Variants in OR1F1 observed in about 807,000 individuals in gnomAD.
OR1F1 encodes olfactory receptor family 1 subfamily F member 1.
For missense variants in OR1F1, 493 were observed against 376.3 expected, an observed-to-expected ratio of 1.31 and a Z score of -2.57; for synonymous variants, 184 against 156.7, an observed-to-expected ratio of 1.17 and a Z score of -1.30.
chr16:3,194,716 G>C, the OR1F1 span, among the ~76,000 whole-genome samples: 9 of 152,154 alleles, frequency 5.9e-5, 1 homozygote, highest in South Asian at 1.9e-3. Flanking sequence ...GAAAACAGAG[G>C]TCTCTTTTGG....
chr16:3,198,920 G>A, the OR1F1 span, among the ~76,000 whole-genome samples: 2 of 151,200 alleles, frequency 1.3e-5, no homozygotes, highest in African/African-American at 4.9e-5. Flanking sequence ...TCACTCCTCG[G>A]CACTCCAGCT....
chr16:3,197,289 G>T, the OR1F1 span, among the ~76,000 whole-genome samples: 1 of 152,046 alleles, frequency 6.6e-6, no homozygotes, highest in Non-Finnish European at 1.5e-5. Flanking sequence ...AAAGTGCTGG[G>T]ATTACAGGTG....
At chr16:3,203,579 C>A (rs535443509), upstream of OR1F1, among the ~76,000 whole-genome samples, 2 of 152,322 alleles carry the variant, frequency 1.3e-5, no homozygotes, top group South Asian at 4.1e-4. Flanking sequence ...TCATGGCCAA[C>A]ATGGTGAAAC....
rs1958171961 is a variant in OR1F1 at position 3,204,262 on chromosome 16, C to T, written c.16C>T (p.Gln6Ter). 6.2e-7 allele frequency: 1 copy of T among 1,607,532 alleles called. No individual in the cohort carries two copies. Among genetic ancestry groups the T allele is most frequent in the African/African-American group, 1.3e-5 (1 of 74,812 alleles). The change falls in exon 1 of 1, where the codon CAG becomes TAG. Residue 6 changes from glutamine to a stop codon, truncating the protein, a stop_gained. Transcript: ENST00000304646. LOFTEE classifies it low-confidence loss of function (END_TRUNC). ...TCCCAGGCCCATGAGCGGGACAAAC[C>T]AGTCGAGTGTCTCCGAGTTCCTCCT...
downstream of OR1F1, chr16:3,205,210 T>C (rs1958191152): frequency 6.5e-7 from 1 of 1,532,644 alleles, no homozygotes; most frequent in Non-Finnish European, 8.9e-7. Flanking sequence ...CTGAATCTCA[T>C]TCCCAAGGAA....
At chr16:3,200,483 TG>T (rs1386173248), upstream of OR1F1, among the ~76,000 whole-genome samples, 14 of 151,808 alleles carry the variant, frequency 9.2e-5, no homozygotes, top group Non-Finnish European at 2.9e-5. Context: ...AGTGCATGCC[TG>T]TAATCCCAAC....
At chr16:3,201,474 C>G (rs1958134596), upstream of OR1F1, among the ~76,000 whole-genome samples, 1 of 152,204 alleles carries the variant, frequency 6.6e-6, no homozygotes, top group African/African-American at 2.4e-5. Context: ...TCCTTGCCAA[C>G]ACTTGTCATT....
chr16:3,198,868 G>T, the OR1F1 span, among the ~76,000 whole-genome samples: 4 of 151,876 alleles, frequency 2.6e-5, no homozygotes, highest in African/African-American at 9.7e-5. Flanking sequence ...GTGATGGGAG[G>T]ATCGCTTGAG....
chr16:3,202,490 A>C (rs1477937436), upstream of OR1F1, among the ~76,000 whole-genome samples: 2 of 151,818 alleles, frequency 1.3e-5, no homozygotes, highest in African/African-American at 4.8e-5. Flanking sequence ...TTCAGTGTCC[A>C]TTCTCCTCCT....
chr16:3,200,301 G>GT (rs1219121012), upstream of OR1F1, among the ~76,000 whole-genome samples: 4 of 152,062 alleles, frequency 2.6e-5, no homozygotes, highest in Non-Finnish European at 4.4e-5. Context: ...CCAGGGATAT[G>GT]TTTTTTACTA....
At chr16:3,190,311 A>G in the OR1F1 span, among the ~76,000 whole-genome samples, 2 of 152,150 alleles carry the variant, frequency 1.3e-5, no homozygotes, top group East Asian at 3.8e-4. Flanking sequence ...CCCCGTCCTG[A>G]GTCCCAGCGC....
upstream of OR1F1, among the ~76,000 whole-genome samples, chr16:3,199,347 A>G (rs750922129): frequency 1.3e-5 from 2 of 151,704 alleles, no homozygotes; most frequent in East Asian, 1.9e-4. Context: ...AATATATAAT[A>G]AAAGAGATTA....
At chr16:3,202,037 G>C (rs1476449120), upstream of OR1F1, among the ~76,000 whole-genome samples, 3 of 152,212 alleles carry the variant, frequency 2.0e-5, no homozygotes, top group Non-Finnish European at 2.9e-5. Context: ...CTTTAGTAAA[G>C]CTGTTTTCTT....
exon 1 of OR1F1, chr16:3,205,157 T>C (rs912091594): frequency 1.2e-6 from 2 of 1,611,228 alleles, no homozygotes; most frequent in Non-Finnish European, 1.7e-6. Flanking sequence ...CTGAAAAAAG[T>C]AGTTGGCAGG....
upstream of OR1F1, among the ~76,000 whole-genome samples, chr16:3,199,649 G>T (rs990359150): frequency 1.3e-5 from 2 of 152,078 alleles, no homozygotes; most frequent in African/African-American, 4.8e-5. Context: ...TGGTTTAAAA[G>T]AATTTAAACA....
At chr16:3,200,269 C>T (rs1261436081), upstream of OR1F1, among the ~76,000 whole-genome samples, 2 of 151,948 alleles carry the variant, frequency 1.3e-5, no homozygotes, top group African/African-American at 2.4e-5. Flanking sequence ...TTGCACGTCT[C>T]GTTAGCATCT....
chr16:3,204,964 A>AGGAAAG (rs1567207379), exon 1 of OR1F1: 2 of 1,613,896 alleles, frequency 1.2e-6, no homozygotes, highest in African/African-American at 1.3e-5. Context: ...AGCCTTCTCC[A>AGGAAAG]CCTGTGGTTC....
At chr16:3,204,956 C>G in exon 1 of OR1F1, 1 of 1,613,920 alleles carries the variant, frequency 6.2e-7, no homozygotes, top group Non-Finnish European at 8.5e-7. Flanking sequence ...AGGTGGAAAG[C>G]CTTCTCCACC....
exon 1 of OR1F1, chr16:3,204,701 C>A (rs1203981606): frequency 6.2e-7 from 1 of 1,613,990 alleles, no homozygotes; most frequent in Non-Finnish European, 8.5e-7. Flanking sequence ...TGGGTGGTTG[C>A]CAACCTGAAT....
Sources: gnomAD v4.1 joint callset for allele counts (sites outside exome capture counted in the v4.1 genomes callset) on GRCh38, gnomAD v4.1.1 for gene constraint, MANE v1.5 for transcripts, NCBI Gene and HGNC (gene_info 2026-07-23, HGNC 2026-07-21) for gene names.